The following GRK3 variants were observed in gnomAD, a reference collection of about 807,000 sequenced individuals.
GRK3 encodes G protein-coupled receptor kinase 3, also known as adrenergic, beta, receptor kinase 2.
In GRK3, 54 loss-of-function variants were observed where a neutral mutation model predicts 95.7. The ratio of observed to expected loss-of-function variants is 0.56; its 90% confidence interval spans 0.45 to 0.71. The LOEUF is 0.71. Ranked by LOEUF, GRK3 falls within the 30% of genes least tolerant of loss-of-function variation. GRK3 has a pLI of 0.00. For missense variants in GRK3, 649 were observed against 851.2 expected, an observed-to-expected ratio of 0.76 and a Z score of 2.96; for synonymous variants, 281 against 290.8, an observed-to-expected ratio of 0.97 and a Z score of 0.34.
intron 9 of GRK3, among the ~76,000 whole-genome samples, chr22:25,681,457 C>T (rs1249384082): frequency 1.3e-5 from 2 of 148,850 alleles, no homozygotes; most frequent in East Asian, 2.0e-4. Flanking sequence ...AGCCCAGGCA[C>T]GTGAGGTTGG....
chr22:25,565,626 C>T (rs1409841095), intron 1 of GRK3, among the ~76,000 whole-genome samples: 1 of 152,232 alleles, frequency 6.6e-6, no homozygotes, highest in Admixed American at 6.5e-5. Context: ...TCTCACCTCC[C>T]TCTGGGCCGC....
rs1201049670 is a variant in GRK3 at position 25,724,627 on chromosome 22, TA to T, written c.*2178del. Reference sequence around the variant, plus strand: ...GATTTGTAATGATATGGTTGAGAAGTACATCTAGATGTCATTTATTAAAAGT... The same window carrying T: ...GATTTGTAATGATATGGTTGAGAAGTCATCTAGATGTCATTTATTAAAAGT... On this transcript the variant is annotated 3_prime_UTR_variant, in exon 21 of 21. Transcript: ENST00000324198. 2.6e-5 allele frequency: 4 copies of T among 152,240 alleles called. No homozygotes were observed. The highest frequency in any genetic ancestry group is 9.6e-5 in the African/African-American group (4 of 41,456). The allele number at this position is 152,240 out of a possible 1,614,324, so 9.4% of individuals were successfully genotyped here. A position where few individuals can be genotyped will look rare whatever the true frequency, so the allele number is the denominator to read the frequency against.
chr22:25,616,169 G>A (rs2084536561), intron 2 of GRK3, among the ~76,000 whole-genome samples: 1 of 152,164 alleles, frequency 6.6e-6, no homozygotes, highest in African/African-American at 2.4e-5. Flanking sequence ...GGCCGATGGG[G>A]AGGCATGGGC....
At chr22:25,669,676 TG>T (rs2084966143) in intron 6 of GRK3, among the ~76,000 whole-genome samples, 1 of 152,186 alleles carries the variant, frequency 6.6e-6, no homozygotes, top group African/African-American at 2.4e-5. Context: ...ATAACCCCCG[TG>T]GAGACAGGAC....
chr22:25,722,179 G>A (rs1015439163), intron 20 of GRK3, 110 bp from the exon 21 acceptor site: 3 of 1,226,620 alleles, frequency 2.4e-6, no homozygotes, highest in Non-Finnish European at 3.5e-6. Flanking sequence ...GACACGTAGG[G>A]TGTGCTTCCT....
chr22:25,646,866 C>G (rs946098323), intron 3 of GRK3, among the ~76,000 whole-genome samples: 1 of 151,530 alleles, frequency 6.6e-6, no homozygotes, highest in Non-Finnish European at 1.5e-5. Flanking sequence ...ACTAAAAATA[C>G]AAAAATTAGC....
intron 1 of GRK3, among the ~76,000 whole-genome samples, chr22:25,569,741 AG>A (rs746660394): frequency 6.6e-6 from 1 of 152,240 alleles, no homozygotes; most frequent in African/African-American, 2.4e-5. Flanking sequence ...CAAGGGAAAG[AG>A]AAGTTTAACG....
intron 11 of GRK3, among the ~76,000 whole-genome samples, chr22:25,687,959 A>G (rs114913782): frequency 0.039 from 5,893 of 152,290 alleles, 342 homozygotes; most frequent in African/African-American, 0.13. Context: ...AATTTAGGCC[A>G]GGTGCGGTGG....
chr22:25,576,408 G>A (rs1182652016), intron 1 of GRK3, among the ~76,000 whole-genome samples: 2 of 152,146 alleles, frequency 1.3e-5, no homozygotes, highest in East Asian at 1.9e-4. Flanking sequence ...GTGGGCACAC[G>A]TCCACTGGAT....
At position 25,722,422 on chromosome 22, in the gene GRK3, T is replaced by G; in HGVS notation, c.2039T>G (p.Leu680Arg). 1 of 1,614,104 alleles carries G rather than the reference T, an allele frequency of 6.2e-7. No homozygotes were observed. The highest frequency in any genetic ancestry group is 8.5e-7 in the Non-Finnish European group (1 of 1,180,008). Residue 680 changes from leucine to arginine, a missense_variant, in exon 21 of 21, where the codon CTC becomes CGC. Physicochemically the swap from Leu to Arg is moderately radical, Grantham distance 102. Transcript: ENST00000324198. ...ACTGTGGAGCTCCCAAAGCCATCCC[T>G]CTGTCACAGAAACAGCAACGGCCTC... ...SGTVELPKPS[L>R]CHRNSNGL
chr22:25,652,500 A>G (rs2146392189), intron 3 of GRK3, among the ~76,000 whole-genome samples: 1 of 152,316 alleles, frequency 6.6e-6, no homozygotes, highest in South Asian at 2.1e-4. Flanking sequence ...AAAATAATCT[A>G]GAACTAAATT....
intron 15 of GRK3, among the ~76,000 whole-genome samples, chr22:25,704,541 G>C (rs1352159943): frequency 6.6e-6 from 1 of 152,180 alleles, no homozygotes; most frequent in African/African-American, 2.4e-5. Flanking sequence ...CTCCTGAGTA[G>C]CTAGGACCAC....
At chr22:25,717,518 C>T (rs542694017) in intron 18 of GRK3, among the ~76,000 whole-genome samples, 141 of 152,286 alleles carry the variant, frequency 9.3e-4, no homozygotes, top group African/African-American at 3.3e-3. Flanking sequence ...CTCTGCTGAA[C>T]CCAGAATATC....
chr22:25,594,145 A>G (rs964547535), intron 1 of GRK3, among the ~76,000 whole-genome samples: 8 of 152,240 alleles, frequency 5.3e-5, no homozygotes, highest in Non-Finnish European at 8.8e-5. Context: ...GAAAAATGAC[A>G]TTGGTAGTTT....
chr22:25,671,934 A>G (rs1410135714), intron 6 of GRK3, among the ~76,000 whole-genome samples: 1 of 152,234 alleles, frequency 6.6e-6, no homozygotes, highest in Non-Finnish European at 1.5e-5. Flanking sequence ...AGAATGTAGA[A>G]TATCTCATTA....
At chr22:25,649,324 C>G in intron 3 of GRK3, 1 of 681,150 alleles carries the variant, frequency 1.5e-6, no homozygotes, top group Non-Finnish European at 2.5e-6. Context: ...AGAAAATCTT[C>G]TTTACTCTGC....
At chr22:25,622,679 A>G (rs377154036) in intron 2 of GRK3, among the ~76,000 whole-genome samples, 1 of 152,164 alleles carries the variant, frequency 6.6e-6, no homozygotes, top group Non-Finnish European at 1.5e-5. Flanking sequence ...ATGAAGAATG[A>G]ATTGCTGGGA....
chr22:25,600,398 C>G (rs1003117163), intron 1 of GRK3, among the ~76,000 whole-genome samples: 2 of 152,116 alleles, frequency 1.3e-5, no homozygotes, highest in African/African-American at 4.8e-5. Flanking sequence ...CCTCGGCCTC[C>G]CAAAGTGCTG....
At chr22:25,708,476 A>G (rs2085317718) in intron 15 of GRK3, among the ~76,000 whole-genome samples, 1 of 152,020 alleles carries the variant, frequency 6.6e-6, no homozygotes, top group African/African-American at 2.4e-5. Context: ...TGCTTGGGCT[A>G]CAGATTTAGG....
Sources: gnomAD v4.1 joint callset for allele counts (sites outside exome capture counted in the v4.1 genomes callset) on GRCh38, gnomAD v4.1.1 for gene constraint, MANE v1.5 for transcripts, NCBI Gene and HGNC (gene_info 2026-07-23, HGNC 2026-07-21) for gene names.